Variants in PCSK5 observed in about 807,000 individuals in gnomAD.
PCSK5 encodes the protein proprotein convertase subtilisin/kexin type 5, also known as prohormone convertase 5.
PCSK5 carries 129 observed loss-of-function variants against 233.2 expected under a neutral mutation model. The ratio of observed to expected loss-of-function variants is 0.55; its 90% CI spans 0.48 to 0.64. PCSK5 has a LOEUF of 0.64. Among genes scored for constraint, PCSK5 ranks in the 30% least tolerant of loss-of-function variants. The pLI, the probability that PCSK5 is intolerant of heterozygous loss-of-function variation, is 0.00. For synonymous variants in PCSK5, 825 were observed against 879.2 expected (o/e 0.94, Z 1.09); for missense variants, 2,076 against 2,430.1 (o/e 0.85, Z 3.06).
At chr9:75,990,219 G>A (rs552630522) in intron 3 of PCSK5, among the ~76,000 whole-genome samples, 1 of 152,120 alleles carries the variant, frequency 6.6e-6, no homozygotes, top group Non-Finnish European at 1.5e-5. Context: ...TCTGACCTCC[G>A]TAGGGTCCTG....
At chr9:76,046,162 T>G (rs1392561510) in intron 5 of PCSK5, among the ~76,000 whole-genome samples, 3 of 20,428 alleles carry the variant, frequency 1.5e-4, no homozygotes, top group Admixed American at 5.0e-4. Flanking sequence ...TTTCTTTTGT[T>G]TTTTTTTTTT....
At chr9:76,290,229 C>T (rs889825149) in intron 24 of PCSK5, among the ~76,000 whole-genome samples, 4 of 152,134 alleles carry the variant, frequency 2.6e-5, no homozygotes, top group Non-Finnish European at 4.4e-5. Flanking sequence ...CCAGGGGAAC[C>T]ACTGGTGTTC....
chr9:76,093,062 G>T (rs56308947), intron 7 of PCSK5, among the ~76,000 whole-genome samples: 1,500 of 140,430 alleles, frequency 0.011, 17 homozygotes, highest in South Asian at 0.034. Context: ...CTTTACACAC[G>T]CCCTTTTTTG....
intron 7 of PCSK5, among the ~76,000 whole-genome samples, chr9:76,081,766 T>A (rs1326593366): frequency 2.6e-5 from 4 of 152,168 alleles, no homozygotes; most frequent in African/African-American, 9.7e-5. Flanking sequence ...CACTTGTTGA[T>A]GGCTCTCCCA....
chr9:76,307,851 G>T (rs1049037630), intron 28 of PCSK5, among the ~76,000 whole-genome samples: 1 of 151,998 alleles, frequency 6.6e-6, no homozygotes. Flanking sequence ...AAGAAAAGAA[G>T]TTCCTCCACG....
At chr9:76,115,203 A>C (rs1357562501) in intron 9 of PCSK5, among the ~76,000 whole-genome samples, 1 of 152,088 alleles carries the variant, frequency 6.6e-6, no homozygotes, top group Non-Finnish European at 1.5e-5. Flanking sequence ...CTGGGCCTAC[A>C]GATTTTGCAC....
chr9:76,212,803 G>A (rs996037321), intron 20 of PCSK5, among the ~76,000 whole-genome samples: 1 of 152,182 alleles, frequency 6.6e-6, no homozygotes, highest in Non-Finnish European at 1.5e-5. Context: ...ACTTTCTGAG[G>A]TAGGGTTATT....
Position 76,058,994 on chromosome 9 carries a change from C to T in PCSK5, c.633-8961C>T, listed in dbSNP as rs57931156. ...ACCCACACCCACTTCCCCACACAGA[C>T]GAAAAAAAAGAAAGAAAAGAAATGT... On this transcript the variant is annotated intron_variant, in intron 5 of 37. Transcript: ENST00000674117. 7.0e-3 allele frequency among the ~76,000 whole-genome samples: 1,054 copies of T among 150,574 alleles called. 14 individuals are homozygous for T. Among genetic ancestry groups the T allele is most frequent in the African/African-American group, 0.023 (942 of 40,928 alleles).
intron 1 of PCSK5, among the ~76,000 whole-genome samples, chr9:75,914,008 A>G (rs959549932): frequency 5.3e-5 from 8 of 152,168 alleles, no homozygotes; most frequent in African/African-American, 1.9e-4. Flanking sequence ...GGTCTTATTT[A>G]TAGGTCCAGT....
intron 20 of PCSK5, among the ~76,000 whole-genome samples, chr9:76,222,247 A>G (rs900038231): frequency 6.6e-6 from 1 of 152,200 alleles, no homozygotes; most frequent in African/African-American, 2.4e-5. Context: ...CCCATCCCCA[A>G]AGACAGGCAA....
chr9:76,230,922 T>A (rs1424076196), intron 21 of PCSK5, among the ~76,000 whole-genome samples: 1 of 152,010 alleles, frequency 6.6e-6, no homozygotes, highest in Non-Finnish European at 1.5e-5. Flanking sequence ...AATGTAATAA[T>A]AATAGAAATG....
intron 2 of PCSK5, among the ~76,000 whole-genome samples, chr9:75,973,202 A>T (rs1381029209): frequency 6.6e-6 from 1 of 152,222 alleles, no homozygotes; most frequent in African/African-American, 2.4e-5. Flanking sequence ...AAAAATTATT[A>T]TAACCAGTGA....
chr9:76,009,495 C>T lies in PCSK5; in HGVS notation c.412-14243C>T, dbSNP rs925411675. Among the ~76,000 whole-genome samples the T allele has an allele frequency of 9.2e-5, 14 of 151,692 alleles. No individual in the cohort carries two copies. In the East Asian group the frequency reaches 1.8e-3, roughly 19 times the overall value. ...TACAAAAATTAGCCAGGCATGGTGG[C>T]GGGTGCCTGTAGTCCCAGCTACTCG... On this transcript the variant is annotated intron_variant, in intron 3 of 37. Coordinates refer to ENST00000674117, the MANE Select transcript of PCSK5 (RefSeq NM_001372043.1).
chr9:76,350,114 A>G (rs1830079721), intron 35 of PCSK5, among the ~76,000 whole-genome samples: 1 of 81,468 alleles, frequency 1.2e-5, no homozygotes, highest in Non-Finnish European at 2.9e-5. Flanking sequence ...CCCATCTGAA[A>G]AAAAAAAAAA....
chr9:75,930,855 C>T (rs1306224221), intron 1 of PCSK5, among the ~76,000 whole-genome samples: 1 of 152,116 alleles, frequency 6.6e-6, no homozygotes, highest in African/African-American at 2.4e-5. Flanking sequence ...TACCCTTAGT[C>T]CTCTGGAATC....
chr9:75,932,003 A>G (rs1327433342), intron 1 of PCSK5, among the ~76,000 whole-genome samples: 1 of 152,238 alleles, frequency 6.6e-6, no homozygotes, highest in Admixed American at 6.5e-5. Context: ...ACAAAATGCA[A>G]TGTGTTTTTA....
At chr9:76,133,529 T>A (rs1161095362) in intron 9 of PCSK5, among the ~76,000 whole-genome samples, 1 of 152,056 alleles carries the variant, frequency 6.6e-6, no homozygotes, top group Non-Finnish European at 1.5e-5. Flanking sequence ...CTGCTGTCTG[T>A]GCCTTGGAGC....
intron 2 of PCSK5, among the ~76,000 whole-genome samples, chr9:75,984,375 G>A (rs968900121): frequency 2.0e-5 from 3 of 152,124 alleles, no homozygotes; most frequent in African/African-American, 4.8e-5. Flanking sequence ...GATACTTTCC[G>A]GTTTATGCAC....
intron 7 of PCSK5, 95 bp from the exon 8 acceptor site, chr9:76,095,795 C>A: frequency 9.5e-7 from 1 of 1,056,258 alleles, no homozygotes; most frequent in Non-Finnish European, 1.5e-6. Flanking sequence ...AGCAACACAC[C>A]CCACCTGCAC....
Sources: gnomAD v4.1 joint callset for allele counts (sites outside exome capture counted in the v4.1 genomes callset) on GRCh38, gnomAD v4.1.1 for gene constraint, MANE v1.5 for transcripts, NCBI Gene and HGNC (gene_info 2026-07-23, HGNC 2026-07-21) for gene names.